The following STEAP4 variants were observed in gnomAD, a reference collection of about 807,000 sequenced individuals.
The protein encoded by STEAP4 is STEAP4 metalloreductase, also known as metalloreductase STEAP4.
Under a neutral mutation model 43.6 loss-of-function variants are expected in STEAP4, and 36 were observed. The ratio of observed to expected loss-of-function variants is 0.83; its 90% CI spans 0.63 to 1.09. STEAP4 has a LOEUF of 1.09. STEAP4 is among the 50% of genes least tolerant of loss of function. The pLI is 0.00. For missense variants in STEAP4, 495 were observed against 546.5 expected (o/e 0.91, Z 0.94); for synonymous variants, 191 against 196.7 (o/e 0.97, Z 0.24).
chr7:88,281,494 A>G (rs1171574457), intron 3 of STEAP4: 2 of 155,196 alleles, frequency 1.3e-5, no homozygotes, highest in East Asian at 3.8e-4. Context: ...ATTATACATG[A>G]TAATAAATAC....
rs79363691 is a variant in STEAP4 at position 88,282,759 on chromosome 7, C to T, written c.866G>A (p.Cys289Tyr). ...FPDWLDHWML[C>Y]RKQLGLVALG... Reference sequence around the variant, plus strand: ...AGCTACCAAGCCAAGCTGCTTTCGGCAAAGCATCCAGTGGTCAAGCCAGTC... The same window carrying T: ...AGCTACCAAGCCAAGCTGCTTTCGGTAAAGCATCCAGTGGTCAAGCCAGTC... Residue 289 changes from cysteine (C) to tyrosine (Y), a missense_variant, in exon 3 of 5, where the codon TGC becomes TAC. Physicochemically the swap from Cys to Tyr is radical, Grantham distance 194. Transcript: ENST00000380079. The T allele has an allele frequency of 6.2e-7, 1 of 1,613,918 alleles. No individual in the cohort carries two copies. The highest frequency in any genetic ancestry group is 1.7e-5 in the Admixed American group (1 of 59,974).
chr7:88,289,890 C>A (rs1030190233), intron 1 of STEAP4, among the ~76,000 whole-genome samples: 1 of 152,174 alleles, frequency 6.6e-6, no homozygotes, highest in South Asian at 2.1e-4. Flanking sequence ...TGGTTGATTG[C>A]CAATCAGTTA....
chr7:88,303,473 G>A (rs1437697011), intron 1 of STEAP4, among the ~76,000 whole-genome samples: 1 of 148,498 alleles, frequency 6.7e-6, no homozygotes, highest in Non-Finnish European at 1.5e-5. Flanking sequence ...TCCAGCCTGG[G>A]TGACAGAGCG....
intron 1 of STEAP4, among the ~76,000 whole-genome samples, chr7:88,284,856 GAAAGAGAAATACATAGAT>G (rs1852701041): frequency 6.6e-6 from 1 of 152,036 alleles, no homozygotes; most frequent in Non-Finnish European, 1.5e-5. Flanking sequence ...GATTCATAGT[GAAAGAGAAATACATAGAT>G]ATTTCCTTAA....
At chr7:88,282,513 T>C in intron 3 of STEAP4, 128 bp downstream of exon 3, 1 of 925,270 alleles carries the variant, frequency 1.1e-6, no homozygotes. Flanking sequence ...ACATGACATT[T>C]CTAATTCTAG....
chr7:88,284,612 C>A (rs1416546378), intron 1 of STEAP4, among the ~76,000 whole-genome samples: 1 of 151,954 alleles, frequency 6.6e-6, no homozygotes, highest in Non-Finnish European at 1.5e-5. Context: ...CCAAAAAAAA[C>A]TAAATAAAAC....
Position 88,279,218 on chromosome 7 carries a change from T to C in STEAP4, c.*180A>G, listed in dbSNP as rs1372951610. 1 of 608,096 alleles carries C rather than the reference T, an allele frequency of 1.6e-6. No homozygotes were observed. The highest frequency in any genetic ancestry group is 1.9e-5 in the African/African-American group (1 of 53,836). 37.7% of individuals were successfully genotyped at this position (608,096 alleles called of 1,614,324 possible). On this transcript the variant is annotated 3_prime_UTR_variant, in exon 5 of 5. Coordinates refer to ENST00000380079, the MANE Select transcript of STEAP4 (RefSeq NM_024636.4). Reference sequence around the variant, plus strand: ...TCACTAACCTGAGATAAAATGGTGTTCTCTTCCAGTATGTCAGTCAATTTC... The same window carrying C: ...TCACTAACCTGAGATAAAATGGTGTCCTCTTCCAGTATGTCAGTCAATTTC...
In STEAP4 at chr7:88,283,098, G is replaced by GT; in HGVS notation, c.526dup (p.Thr176AsnfsTer15). On this transcript the variant is annotated frameshift_variant, in exon 3 of 5. Coordinates refer to ENST00000380079, the MANE Select transcript of STEAP4 (RefSeq NM_024636.4). LOFTEE classifies it high-confidence loss of function. The stretch of plus-strand genomic sequence containing the variant: ...CATGAGTGATCCTTGATCCATTGGA[G>GT]TAAGTCCAAGATTACGAACAATATC... 6.2e-7 allele frequency: 1 copy of GT among 1,607,340 alleles called. No homozygotes were observed. The highest frequency in any genetic ancestry group is 8.5e-7 in the Non-Finnish European group (1 of 1,177,462).
In STEAP4 at chr7:88,283,980, T is replaced by C. The variant is rs747558374; in HGVS notation, c.290A>G (p.Asn97Ser). The C allele has an allele frequency of 7.4e-6, 12 of 1,614,016 alleles. No individual in the cohort carries two copies. In the South Asian group the frequency reaches 7.7e-5, roughly 10 times the overall value. ...GCTGATGTCTACCAATATTTTTCCATTGAGAACCTCAGTTAATTCTGTGAG... is the reference window on the plus strand; with the variant it reads ...GCTGATGTCTACCAATATTTTTCCACTGAGAACCTCAGTTAATTCTGTGAG... Reference protein sequence around the residue: ...DFLTELTEVLNGKILVDISNN... With the variant: ...DFLTELTEVLSGKILVDISNN... Residue 97 changes from asparagine (N) to serine (S), a missense_variant, in exon 2 of 5, where the codon AAT becomes AGT. By Grantham distance (46) the Asn-to-Ser change is conservative. Transcript: ENST00000380079.
intron 1 of STEAP4, among the ~76,000 whole-genome samples, chr7:88,285,768 AAAAAAAGAAAGAAAG>A (rs1296532786): frequency 7.3e-5 from 11 of 151,252 alleles, no homozygotes; most frequent in African/African-American, 1.9e-4. Context: ...AAAAAAAAAA[AAAAAAAGAAAGAAAG>A]AAAAGAAAAA....
Position 88,282,793 on chromosome 7 carries a change from G to A in STEAP4, c.832C>T (p.Arg278Ter), listed in dbSNP as rs776087868. 8.7e-6 allele frequency: 14 copies of A among 1,614,012 alleles called. No individual in the cohort carries two copies. The highest frequency in any genetic ancestry group is 2.2e-5 in the East Asian group (1 of 44,896). ...CAGTGGTCAAGCCAGTCTGGGAATC[G>A]ACGGTATTTTGTGCCTCGGTACAGT... ...LQLYRGTKYR[R>*]FPDWLDHWML... is the part of the protein sequence containing the mutation. The change falls in exon 3 of 5, where the codon CGA becomes TGA. Residue 278 changes from arginine (R) to a stop codon, truncating the protein, a stop_gained. Transcript: ENST00000380079. LOFTEE classifies it high-confidence loss of function.
chr7:88,295,539 C>T (rs1852910581), intron 1 of STEAP4, among the ~76,000 whole-genome samples: 1 of 152,240 alleles, frequency 6.6e-6, no homozygotes, highest in East Asian at 1.9e-4. Context: ...AGCTTGAGAA[C>T]CATTGCCTTA....
rs910784668 is a variant in STEAP4, at chr7:88,273,387, A to G, written c.*6011T>C. Reference sequence around the variant, plus strand: ...TAATTCTGGGTTTCTATTTTATCACAATCTGATACTTTTTGATATACAATA... The same window carrying G: ...TAATTCTGGGTTTCTATTTTATCACGATCTGATACTTTTTGATATACAATA... On this transcript the variant is annotated 3_prime_UTR_variant, in exon 5 of 5. Transcript: ENST00000380079. 2 of 152,192 alleles carry G rather than the reference A, an allele frequency of 1.3e-5. No homozygotes were observed. The highest frequency in any genetic ancestry group is 6.5e-5 in the Admixed American group (1 of 15,282). 9.4% of individuals were successfully genotyped at this position (152,192 alleles called of 1,614,324 possible).
chr7:88,283,124 CATCA>C lies in STEAP4; in HGVS notation c.497_500del (p.Val166GlyfsTer54), dbSNP rs1852658619. 1 of 1,586,328 alleles carries C rather than the reference CATCA, an allele frequency of 6.3e-7. No homozygotes were observed. Among genetic ancestry groups the C allele is most frequent in the Non-Finnish European group, 8.6e-7 (1 of 1,168,156 alleles). ...TAAGTCCAAGATTACGAACAATATC[CATCA>C]CTCTTTGCTTGGCTTTGCTGTCATT... On this transcript the variant is annotated frameshift_variant, in exon 3 of 5. Transcript: ENST00000380079. LOFTEE classifies it high-confidence loss of function.
rs1221511886 is a variant in STEAP4 at position 88,271,947 on chromosome 7, G to T, written c.*7451C>A. On this transcript the variant is annotated 3_prime_UTR_variant, in exon 5 of 5. Transcript: ENST00000380079. ...GAAGTAGAATATATTTTCATATGTT[G>T]CAGAGCCTTGTTTCTCCTGTGAACT... is the stretch of plus-strand genomic sequence containing the variant. The T allele has an allele frequency of 6.6e-6, 1 of 152,164 alleles. No individual in the cohort carries two copies. Among genetic ancestry groups the T allele is most frequent in the Non-Finnish European group, 1.5e-5 (1 of 68,032 alleles). 9.4% of individuals were successfully genotyped at this position (152,164 alleles called of 1,614,324 possible). A position where few individuals can be genotyped will look rare whatever the true frequency, so the allele number is the denominator to read the frequency against.
In STEAP4 at chr7:88,283,928, T is replaced by C. The variant is rs764804330; in HGVS notation, c.342A>G (p.Pro114=). ...GAGCAAGGTACTCTGCATTAGATTC[T>C]GGATATTGATTGATTTTGAGGTTGT... ...ISNNLKINQY[P]ESNAEYLAHL... Residue 114 remains proline (P), a synonymous_variant, in exon 2 of 5, where the codon CCA becomes CCG. Coordinates refer to ENST00000380079, the MANE Select transcript of STEAP4 (RefSeq NM_024636.4). 8.7e-6 allele frequency: 14 copies of C among 1,614,176 alleles called. No individual in the cohort carries two copies. In the South Asian group the frequency reaches 1.5e-4, roughly 18 times the overall value.
At chr7:88,297,380 G>A (rs187830980) in intron 1 of STEAP4, among the ~76,000 whole-genome samples, 23 of 152,272 alleles carry the variant, frequency 1.5e-4, no homozygotes, top group African/African-American at 5.1e-4. Flanking sequence ...CAGAGTGATG[G>A]AATAGAAAAT....
In STEAP4 at chr7:88,283,871, T is replaced by C; in HGVS notation, c.399A>G (p.Ala133=). The part of the protein sequence containing the change: ...HLVPGAHVVK[A]FNTISAWALQ... ...GAGCCCAGGCTGAGATGGTGTTAAA[T>C]GCTTTTACCACGTGGGCTCCTGGCA... Residue 133 remains alanine, a synonymous_variant, in exon 2 of 5, where the codon GCA becomes GCG. Transcript: ENST00000380079. 1 of 1,614,198 alleles carries C rather than the reference T, an allele frequency of 6.2e-7. No individual in the cohort carries two copies. Among genetic ancestry groups the C allele is most frequent in the Non-Finnish European group, 8.5e-7 (1 of 1,180,028 alleles).
chr7:88,291,217 C>T (rs1221308555), intron 1 of STEAP4, among the ~76,000 whole-genome samples: 3 of 152,020 alleles, frequency 2.0e-5, no homozygotes, highest in Non-Finnish European at 4.4e-5. Flanking sequence ...ACTTGTCCCA[C>T]TTATTTCTTA....
Sources: allele counts gnomAD v4.1 joint callset (sites outside exome capture counted in the v4.1 genomes callset), GRCh38; gene constraint gnomAD v4.1.1; transcripts MANE v1.5; gene names NCBI Gene and HGNC (gene_info 2026-07-23, HGNC 2026-07-21).